VPS33A: variants seen among roughly 807,000 people sequenced by gnomAD.
The protein encoded by VPS33A is vacuolar protein sorting-associated protein 33A.
Under a neutral mutation model 71.8 loss-of-function variants are expected in VPS33A, and 32 were observed. That is an observed-to-expected ratio of 0.45 (90% CI 0.34 to 0.60). The LOEUF is 0.60. VPS33A is among the 20% of genes least tolerant of loss of function. VPS33A has a pLI of 0.02. For missense variants in VPS33A, 625 were observed against 748.5 expected (o/e 0.84, Z 1.92); for synonymous variants, 311 against 292.7 (o/e 1.06, Z -0.64).
chr12:122,245,727 G>A (rs1358135300), intron 6 of VPS33A, among the ~76,000 whole-genome samples: 2 of 152,140 alleles, frequency 1.3e-5, no homozygotes, highest in African/African-American at 2.4e-5. Context: ...TTACAGGTGT[G>A]AGCCACCATG....
intron 8 of VPS33A, 86 bp downstream of exon 8, chr12:122,242,296 G>C (rs1455113328): frequency 2.6e-6 from 4 of 1,515,738 alleles, no homozygotes; most frequent in Middle Eastern, 1.7e-4. Context: ...CTCCCGAAGA[G>C]GCATTGTGGT....
intron 3 of VPS33A, among the ~76,000 whole-genome samples, chr12:122,262,863 T>C (rs1479747953): frequency 6.6e-6 from 1 of 152,036 alleles, no homozygotes; most frequent in African/African-American, 2.4e-5. Context: ...AGCAGGCGCA[T>C]GTATTTATGG....
chr12:122,256,479 C>T (rs766875854), intron 4 of VPS33A, among the ~76,000 whole-genome samples: 12 of 151,812 alleles, frequency 7.9e-5, no homozygotes, highest in African/African-American at 2.4e-4. Context: ...ATAGCTAAGA[C>T]GGGAGAATTG....
At chr12:122,249,526 G>C (rs1209577409) in intron 6 of VPS33A, 1 of 162,558 alleles carries the variant, frequency 6.2e-6, no homozygotes, top group Non-Finnish European at 1.3e-5. Context: ...CACCCAGGTG[G>C]TTCCATAATA....
Position 122,232,845 on chromosome 12 carries a change from G to A in VPS33A, c.1564C>T (p.His522Tyr). The change falls in exon 12 of 13, where the codon CAC becomes TAC. Residue 522 changes from histidine to tyrosine, a missense_variant. His to Tyr is a moderately conservative substitution (Grantham distance 83). Coordinates refer to ENST00000267199, the MANE Select transcript of VPS33A (RefSeq NM_022916.6). ...EEVLRILPGP[H>Y]FEERQPLPTG... is the part of the protein sequence containing the mutation. ...GGCAGTGGCTGCCGCTCCTCAAAGT[G>A]GGGCCCTGGGAGGATGCGGAGGACC... The A allele has an allele frequency of 6.2e-7, 1 of 1,614,076 alleles. No individual in the cohort carries two copies. Among genetic ancestry groups the A allele is most frequent in the Non-Finnish European group, 8.5e-7 (1 of 1,179,978 alleles).
At chr12:122,255,707 C>CAAAAAAAA (rs71082953) in intron 4 of VPS33A, among the ~76,000 whole-genome samples, 1 of 35,490 alleles carries the variant, frequency 2.8e-5, no homozygotes, top group Non-Finnish European at 4.9e-5. Flanking sequence ...GACTCCGTCT[C>CAAAAAAAA]AAAAAAAAAA....
chr12:122,236,222 T>G (rs1422499117), intron 10 of VPS33A, among the ~76,000 whole-genome samples: 1 of 152,170 alleles, frequency 6.6e-6, no homozygotes, highest in Non-Finnish European at 1.5e-5. Context: ...TAGTATATTT[T>G]TATAAGGGAT....
At chr12:122,236,344 A>T (rs1244921652) in intron 10 of VPS33A, among the ~76,000 whole-genome samples, 1 of 152,174 alleles carries the variant, frequency 6.6e-6, no homozygotes, top group Admixed American at 6.6e-5. Flanking sequence ...TTCTATTTTT[A>T]AAAAGTAGCC....
chr12:122,264,054 G>A, intron 2 of VPS33A, 80 bp downstream of exon 2: 1 of 1,249,266 alleles, frequency 8.0e-7, no homozygotes. Context: ...CAATGATTCA[G>A]GAAGAAATAT....
chr12:122,251,784 G>A (rs1954847206), intron 4 of VPS33A, among the ~76,000 whole-genome samples: 1 of 151,794 alleles, frequency 6.6e-6, no homozygotes, highest in African/African-American at 2.4e-5. Context: ...TGGGGTGGGG[G>A]AAGGGGGGAG....
Position 122,235,876 on chromosome 12 carries a change from G to A in VPS33A, c.1350C>T (p.Ala450=), listed in dbSNP as rs34461198. The A allele has an allele frequency of 9.6e-3, 15,435 of 1,613,656 alleles. 1,064 individuals are homozygous for A. In the African/African-American group the frequency reaches 0.16, roughly 17 times the overall value. ...HILTLHNLEK[A]GLLKPQTGGR... is the part of the protein sequence containing the mutation. Reference sequence around the variant, plus strand: ...CCCCCGTCTGCGGTTTCAGCAGGCCGGCCTTCTCCAGGTTGTGTAAGGTCA... The same window carrying A: ...CCCCCGTCTGCGGTTTCAGCAGGCCAGCCTTCTCCAGGTTGTGTAAGGTCA... The change falls in exon 11 of 13, where the codon GCC becomes GCT. Residue 450 remains alanine (A), a synonymous_variant. Coordinates refer to ENST00000267199, the MANE Select transcript of VPS33A (RefSeq NM_022916.6).
At chr12:122,266,224 G>A in intron 1 of VPS33A, 83 bp downstream of exon 1, 2 of 1,549,282 alleles carry the variant, frequency 1.3e-6, no homozygotes, top group South Asian at 1.2e-5. Context: ...CTCATAAACC[G>A]CGAACTCAGG....
intron 6 of VPS33A, among the ~76,000 whole-genome samples, chr12:122,246,407 C>A (rs1016470147): frequency 8.6e-5 from 13 of 152,020 alleles, no homozygotes; most frequent in African/African-American, 2.7e-4. Flanking sequence ...TCAAGCGATT[C>A]TCCTGCCTCA....
chr12:122,262,815 T>TTA, intron 3 of VPS33A, among the ~76,000 whole-genome samples: 1 of 151,898 alleles, frequency 6.6e-6, no homozygotes, highest in African/African-American at 2.4e-5. Context: ...CTTCCTAAGT[T>TTA]TCTCATCCTC....
intron 12 of VPS33A, 103 bp downstream of exon 12, chr12:122,232,697 T>C: frequency 7.0e-7 from 1 of 1,429,112 alleles, no homozygotes; most frequent in Non-Finnish European, 9.4e-7. Flanking sequence ...GTGTATTTAA[T>C]TCTGACTCCT....
chr12:122,251,162 C>T, intron 4 of VPS33A, 63 bp from the exon 5 acceptor site: 3 of 1,141,968 alleles, frequency 2.6e-6, no homozygotes, highest in Non-Finnish European at 3.9e-6. Context: ...CATCTCTGTT[C>T]CTGGGGCTGG....
In VPS33A at chr12:122,244,811, A is replaced by G. The variant is rs112273914; in HGVS notation, c.776-49T>C. On this transcript the variant is annotated intron_variant, in intron 6 of 12. Coordinates refer to ENST00000267199, the MANE Select transcript of VPS33A (RefSeq NM_022916.6). ...AGCACCTGTGTGCAATGACTGGAAG[A>G]ACCAATCCGGTAACCAAGCACAAAA... is the stretch of plus-strand genomic sequence containing the variant. 14 of 1,552,456 alleles carry G rather than the reference A, an allele frequency of 9.0e-6. No homozygotes were observed. In the Admixed American group the frequency reaches 1.1e-4, roughly 12 times the overall value.
At chr12:122,239,034 C>T (rs1157945863) in intron 9 of VPS33A, among the ~76,000 whole-genome samples, 1 of 151,796 alleles carries the variant, frequency 6.6e-6, no homozygotes, top group East Asian at 1.9e-4. Context: ...CCCCAGTGAT[C>T]AGGCCAAGTC....
chr12:122,236,957 A>G (rs1435175536), intron 10 of VPS33A, among the ~76,000 whole-genome samples: 1 of 152,162 alleles, frequency 6.6e-6, no homozygotes, highest in African/African-American at 2.4e-5. Flanking sequence ...CTGGGGAGGG[A>G]AACTGGGGTA....
Sources: allele counts gnomAD v4.1 joint callset (sites outside exome capture counted in the v4.1 genomes callset), GRCh38; gene constraint gnomAD v4.1.1; transcripts MANE v1.5; gene names NCBI Gene and HGNC (gene_info 2026-07-23, HGNC 2026-07-21).